MAML2: variants seen among roughly 807,000 people sequenced by gnomAD.
MAML2 encodes the protein mastermind-like protein 2.
In MAML2, 22 loss-of-function variants were observed where a neutral mutation model predicts 96.1. The ratio of observed to expected loss-of-function variants is 0.23; its 90% CI spans 0.16 to 0.33. The LOEUF (loss-of-function observed/expected upper bound fraction) is 0.33, where lower values mean the gene tolerates loss of function less well. MAML2 is among the 10% of genes least tolerant of loss of function. The pLI is 1.00. For missense variants in MAML2, 1,367 were observed against 1,392.4 expected, an observed-to-expected ratio of 0.98 and a Z score of 0.29; for synonymous variants, 561 against 521.3, an observed-to-expected ratio of 1.08 and a Z score of -1.04.
At position 96,336,603 on chromosome 11, in the gene MAML2, C is replaced by G. The variant is rs76794517; in HGVS notation, c.513+4780G>C. ...ATATATAAGGGTCTGGATTAAAGAA[C>G]AAGAAAGCAGTAGAATCCATTCAGA... is the stretch of plus-strand genomic sequence containing the variant. On this transcript the variant is annotated intron_variant, in intron 1 of 4. Coordinates refer to ENST00000524717, the MANE Select transcript of MAML2 (RefSeq NM_032427.4). 3.9e-5 allele frequency among the ~76,000 whole-genome samples: 6 copies of G among 152,282 alleles called. 1 individual carries two copies. The highest frequency in any genetic ancestry group is 3.9e-4 in the Admixed American group (6 of 15,308).
intron 1 of MAML2, among the ~76,000 whole-genome samples, chr11:96,188,267 G>A (rs1861601552): frequency 6.6e-6 from 1 of 152,192 alleles, no homozygotes; most frequent in South Asian, 2.1e-4. Flanking sequence ...ATGAAAGTCT[G>A]ATTTAAGCAG....
In MAML2 at chr11:96,169,659, C is replaced by CTTTTTTTTTTTTT. The variant is rs5793784; in HGVS notation, c.514-76155_514-76143dup. ...AAAGACAAACAGAAAAGAAAGTAAA[C>CTTTTTTTTTTTTT]TTTTTTTTTTTTTTGAGATGGAGTC... On this transcript the variant is annotated intron_variant, in intron 1 of 4. Transcript: ENST00000524717. Among the ~76,000 whole-genome samples, 48 of 144,934 alleles carry CTTTTTTTTTTTTT rather than the reference C, an allele frequency of 3.3e-4. 1 individual carries two copies. Among genetic ancestry groups the CTTTTTTTTTTTTT allele is most frequent in the African/African-American group, 1.1e-3 (43 of 38,760 alleles).
chr11:96,045,948 G>GC (rs1350750888), intron 2 of MAML2, among the ~76,000 whole-genome samples: 5 of 119,220 alleles, frequency 4.2e-5, no homozygotes, highest in Non-Finnish European at 5.2e-5. Context: ...TTTTGGTTTT[G>GC]CCCTTGGCCT....
Position 96,002,693 on chromosome 11 carries a change from AGC to A in MAML2, c.2140-10972_2140-10971del, listed in dbSNP as rs1565186352. 9.6e-4 allele frequency among the ~76,000 whole-genome samples: 84 copies of A among 87,560 alleles called. 5 individuals are homozygous for A. The South Asian group carries it at 0.041, about 42-fold the overall frequency. The allele number at this position is 87,560 out of a possible 152,430, so 57.4% of individuals were successfully genotyped here. A position where few individuals can be genotyped will look rare whatever the true frequency, so the allele number is the denominator to read the frequency against. The stretch of plus-strand genomic sequence containing the variant: ...AAGAATAATGATGGGGATGGTGGGG[AGC>A]ATGATGGGGATGATAAGGAGGACGA... On this transcript the variant is annotated intron_variant, in intron 2 of 4. Transcript: ENST00000524717.
At chr11:96,229,620 C>T (rs966042581) in intron 1 of MAML2, among the ~76,000 whole-genome samples, 5 of 150,688 alleles carry the variant, frequency 3.3e-5, no homozygotes, top group South Asian at 2.1e-4. Context: ...GCCTTGACTA[C>T]ATATCGATTG....
intron 1 of MAML2, among the ~76,000 whole-genome samples, chr11:96,120,214 C>T (rs1009763828): frequency 6.6e-5 from 10 of 152,150 alleles, no homozygotes; most frequent in African/African-American, 2.2e-4. Flanking sequence ...TCCTCGGCCT[C>T]CCAAAGTGCT....
At chr11:96,301,350 G>A (rs554457196) in intron 1 of MAML2, among the ~76,000 whole-genome samples, 5 of 152,256 alleles carry the variant, frequency 3.3e-5, no homozygotes, top group South Asian at 2.1e-4. Flanking sequence ...TTCAATGAGC[G>A]TACAACTGGA....
At chr11:96,243,713 G>A (rs1244406433) in intron 1 of MAML2, among the ~76,000 whole-genome samples, 4 of 150,140 alleles carry the variant, frequency 2.7e-5, no homozygotes, top group African/African-American at 9.9e-5. Flanking sequence ...GAGTGCAGTG[G>A]CGCGATGTTG....
At chr11:96,182,714 C>T (rs1861505154) in intron 1 of MAML2, among the ~76,000 whole-genome samples, 1 of 152,142 alleles carries the variant, frequency 6.6e-6, no homozygotes, top group South Asian at 2.1e-4. Context: ...CAAGTCCACA[C>T]AGCTAGTAAG....
At chr11:96,222,633 C>T (rs1862157286) in intron 1 of MAML2, among the ~76,000 whole-genome samples, 1 of 152,184 alleles carries the variant, frequency 6.6e-6, no homozygotes, top group African/African-American at 2.4e-5. Context: ...TACTTCTTTT[C>T]ATGTTCTAAT....
intron 1 of MAML2, among the ~76,000 whole-genome samples, chr11:96,116,370 T>C (rs139342633): frequency 1.3e-5 from 2 of 152,178 alleles, no homozygotes; most frequent in African/African-American, 2.4e-5. Context: ...CACTCAGATA[T>C]TCCAACCCAA....
chr11:96,341,358 A>G (rs751735419), intron 1 of MAML2, 25 bp downstream of exon 1: 18 of 1,498,448 alleles, frequency 1.2e-5, no homozygotes, highest in Non-Finnish European at 1.6e-5. Flanking sequence ...CCACAGCCAG[A>G]ACCATGAGAA....
At chr11:96,041,895 G>A (rs972251449) in intron 2 of MAML2, among the ~76,000 whole-genome samples, 5 of 150,940 alleles carry the variant, frequency 3.3e-5, no homozygotes, top group Admixed American at 1.3e-4. Flanking sequence ...AGCAACCTCC[G>A]CCTCCCAGGT....
At position 96,304,152 on chromosome 11, in the gene MAML2, T is replaced by C. The variant is rs181086712; in HGVS notation, c.513+37231A>G. 2.0e-5 allele frequency among the ~76,000 whole-genome samples: 3 copies of C among 152,330 alleles called. No individual in the cohort carries two copies. In the East Asian group the frequency reaches 5.8e-4, roughly 29 times the overall value. On this transcript the variant is annotated intron_variant, in intron 1 of 4. Transcript: ENST00000524717. ...CAGCCCTACTTCTTGCAAGTCAGTT[T>C]CAAGCCTCTCTTATCACAGTGTACA...
intron 1 of MAML2, among the ~76,000 whole-genome samples, chr11:96,326,019 A>G (rs891591897): frequency 6.6e-6 from 1 of 152,112 alleles, no homozygotes; most frequent in African/African-American, 2.4e-5. Flanking sequence ...ATATGAAGTA[A>G]GGAACAAAGA....
intron 1 of MAML2, among the ~76,000 whole-genome samples, chr11:96,332,456 T>TG (rs1383631700): frequency 6.6e-6 from 1 of 152,178 alleles, no homozygotes; most frequent in African/African-American, 2.4e-5. Context: ...CAGATCCACA[T>TG]GCAAAGAATC....
intron 2 of MAML2, among the ~76,000 whole-genome samples, chr11:96,077,268 T>G (rs1859456703): frequency 1.6e-5 from 2 of 128,776 alleles, no homozygotes; most frequent in African/African-American, 5.9e-5. Context: ...TCACCCAGGC[T>G]GGAGTGCAGT....
intron 2 of MAML2, among the ~76,000 whole-genome samples, chr11:96,017,956 GT>G (rs1244310658): frequency 2.0e-5 from 3 of 152,188 alleles, no homozygotes; most frequent in Non-Finnish European, 4.4e-5. Context: ...CATGATATAT[GT>G]TTTAAAGATC....
intron 2 of MAML2, among the ~76,000 whole-genome samples, chr11:96,082,222 T>C (rs2135799739): frequency 6.6e-6 from 1 of 152,266 alleles, no homozygotes; most frequent in South Asian, 2.1e-4. Flanking sequence ...AGATGCAAAA[T>C]GCTTTGTGAG....
Sources: gnomAD v4.1 joint callset for allele counts (sites outside exome capture counted in the v4.1 genomes callset) on GRCh38, gnomAD v4.1.1 for gene constraint, MANE v1.5 for transcripts, NCBI Gene and HGNC (gene_info 2026-07-23, HGNC 2026-07-21) for gene names.